MAGI1: variants seen among roughly 807,000 people sequenced by gnomAD.
MAGI1 encodes the protein membrane-associated guanylate kinase, WW and PDZ domain-containing protein 1.
Under a neutral mutation model 139.9 loss-of-function variants are expected in MAGI1, and 58 were observed. The ratio of observed to expected loss-of-function variants is 0.41; its 90% confidence interval spans 0.34 to 0.52. MAGI1 has a LOEUF of 0.52. Ranked by LOEUF, MAGI1 falls within the 20% of genes least tolerant of loss-of-function variation. The pLI is 0.12. For missense variants in MAGI1, 1,874 were observed against 1,901.6 expected, an observed-to-expected ratio of 0.99 and a Z score of 0.27; for synonymous variants, 812 against 737.9, an observed-to-expected ratio of 1.10 and a Z score of -1.63.
chr3:65,691,663 G>GA (rs1457899895), intron 1 of MAGI1, among the ~76,000 whole-genome samples: 3 of 152,088 alleles, frequency 2.0e-5, no homozygotes, highest in African/African-American at 7.2e-5. Flanking sequence ...TGAGAAAAAT[G>GA]AAAAAACCTT....
chr3:65,591,409 C>G (rs1328514416), intron 2 of MAGI1, among the ~76,000 whole-genome samples: 1 of 152,090 alleles, frequency 6.6e-6, no homozygotes, highest in Non-Finnish European at 1.5e-5. Context: ...TATATATAAC[C>G]ACTTTGTACA....
intron 2 of MAGI1, among the ~76,000 whole-genome samples, chr3:65,578,779 G>A (rs146684520): frequency 6.6e-6 from 1 of 152,034 alleles, no homozygotes; most frequent in South Asian, 2.1e-4. Context: ...AAACTAGCGG[G>A]GCGTGGTGGC....
At chr3:65,855,635 A>AGGAGAGAGGGGAGGGGAG (rs2059354330) in intron 1 of MAGI1, among the ~76,000 whole-genome samples, 1 of 13,562 alleles carries the variant, frequency 7.4e-5, no homozygotes, top group African/African-American at 3.4e-4. Context: ...GGGGAGGGGA[A>AGGAGAGAGGGGAGGGGAG]GGGAGAAACA....
chr3:65,648,339 AG>A (rs776744187), intron 1 of MAGI1, among the ~76,000 whole-genome samples: 6 of 151,874 alleles, frequency 4.0e-5, no homozygotes, highest in Non-Finnish European at 7.4e-5. Context: ...GCACACAGAC[AG>A]GGTCTCATTA....
chr3:65,832,692 T>A (rs578099840), intron 1 of MAGI1, among the ~76,000 whole-genome samples: 26 of 152,176 alleles, frequency 1.7e-4, no homozygotes, highest in African/African-American at 5.5e-4. Context: ...TTTCTATACC[T>A]CCACATCCTA....
chr3:65,870,998 G>C (rs2059919738), intron 1 of MAGI1, among the ~76,000 whole-genome samples: 1 of 152,080 alleles, frequency 6.6e-6, no homozygotes, highest in African/African-American at 2.4e-5. Context: ...GAGTGTAGTA[G>C]TGCGATCACA....
intron 1 of MAGI1, among the ~76,000 whole-genome samples, chr3:65,848,789 C>T (rs7647322): frequency 0.043 from 6,482 of 151,994 alleles, 463 homozygotes; most frequent in African/African-American, 0.15. Flanking sequence ...GGTCCCCCAT[C>T]TTCAAGTGGA....
chr3:66,007,891 A>ATTTTT (rs35578902), intron 1 of MAGI1, among the ~76,000 whole-genome samples: 1 of 122,502 alleles, frequency 8.2e-6, no homozygotes, highest in Non-Finnish European at 1.7e-5. Flanking sequence ...GGCTCCATAG[A>ATTTTT]TTTTTTTTTT....
chr3:65,656,826 C>T (rs920024098), intron 1 of MAGI1, among the ~76,000 whole-genome samples: 3 of 151,498 alleles, frequency 2.0e-5, no homozygotes, highest in African/African-American at 7.3e-5. Context: ...GGTGAAACCC[C>T]GTCTCTACCA....
rs747527144 is a variant in MAGI1 at position 65,365,936 on chromosome 3, A to G, written c.3197-990T>C. Among the ~76,000 whole-genome samples the G allele has an allele frequency of 2.0e-5, 3 of 152,244 alleles. No individual in the cohort carries two copies. In the East Asian group the frequency reaches 5.8e-4, roughly 29 times the overall value. ...AACAAAAGACATCCCACAAATCCCA[A>G]CTACCTGTGGTCTATCTTCCATTTA... On this transcript the variant is annotated intron_variant, in intron 18 of 22. Transcript: ENST00000402939.
chr3:65,881,340 GA>G (rs2060319810), intron 1 of MAGI1, among the ~76,000 whole-genome samples: 1 of 152,012 alleles, frequency 6.6e-6, no homozygotes, highest in Non-Finnish European at 1.5e-5. Flanking sequence ...TAAATCTCTT[GA>G]CAAAGCCAAG....
intron 17 of MAGI1, among the ~76,000 whole-genome samples, 184 bp from the exon 18 acceptor site, chr3:65,376,129 T>A (rs1942497617): frequency 6.6e-6 from 1 of 152,218 alleles, no homozygotes; most frequent in Admixed American, 6.5e-5. Context: ...GGTGTCTGTA[T>A]AAGGAGCTAC....
At chr3:65,788,460 A>T (rs568800131) in intron 1 of MAGI1, among the ~76,000 whole-genome samples, 1 of 152,124 alleles carries the variant, frequency 6.6e-6, no homozygotes, top group Non-Finnish European at 1.5e-5. Context: ...ACTTTCCCCT[A>T]TGCATTTTAG....
chr3:65,363,581 C>T lies in MAGI1; in HGVS notation c.3379G>A (p.Glu1127Lys). The T allele has an allele frequency of 6.2e-7, 1 of 1,613,994 alleles. No individual in the cohort carries two copies. The highest frequency in any genetic ancestry group is 8.5e-7 in the Non-Finnish European group (1 of 1,179,914). Residue 1127 changes from glutamate to lysine, a missense_variant, in exon 21 of 23, where the codon GAA becomes AAA. Glu to Lys is a moderately conservative substitution (Grantham distance 56, BLOSUM62 1). Coordinates refer to ENST00000402939, the MANE Select transcript of MAGI1 (RefSeq NM_001033057.2). ...QEQDFYTVEL[E>K]RGAKGFGFSL... is the part of the protein sequence containing the mutation. Reference sequence around the variant, plus strand: ...AAGCCAAATCCCTTGGCTCCTCTTTCCAGTTCCACAGTGTAAAAATCTTGC... The same window carrying T: ...AAGCCAAATCCCTTGGCTCCTCTTTTCAGTTCCACAGTGTAAAAATCTTGC...
At chr3:65,465,898 G>A (rs946184183) in intron 5 of MAGI1, among the ~76,000 whole-genome samples, 3 of 152,080 alleles carry the variant, frequency 2.0e-5, no homozygotes, top group African/African-American at 4.8e-5. Flanking sequence ...CTGAAGCTCT[G>A]TTTGTTGGTT....
chr3:65,570,686 G>T (rs962057004), intron 2 of MAGI1, among the ~76,000 whole-genome samples: 3 of 152,174 alleles, frequency 2.0e-5, no homozygotes, highest in African/African-American at 4.8e-5. Context: ...TTGGCTAAAA[G>T]TTGACCACTG....
intron 1 of MAGI1, among the ~76,000 whole-genome samples, chr3:65,766,968 G>C (rs574872981): frequency 3.9e-5 from 6 of 152,248 alleles, no homozygotes; most frequent in African/African-American, 7.2e-5. Context: ...GTCCGAATTT[G>C]GTTGGTAACA....
chr3:65,683,722 G>A (rs891717838), intron 1 of MAGI1, among the ~76,000 whole-genome samples: 1 of 150,800 alleles, frequency 6.6e-6, no homozygotes, highest in Admixed American at 6.6e-5. Context: ...TTCGGCATTA[G>A]GAAAGTGCAA....
intron 1 of MAGI1, among the ~76,000 whole-genome samples, chr3:65,901,081 G>A (rs995381291): frequency 6.6e-6 from 1 of 152,176 alleles, no homozygotes; most frequent in African/African-American, 2.4e-5. Flanking sequence ...CTTACCTTGG[G>A]TATGCTTCAG....
Sources: gnomAD v4.1 joint callset for allele counts (sites outside exome capture counted in the v4.1 genomes callset) on GRCh38, gnomAD v4.1.1 for gene constraint, MANE v1.5 for transcripts, NCBI Gene and HGNC (gene_info 2026-07-23, HGNC 2026-07-21) for gene names.